Variants in SYT1 observed in about 807,000 individuals in gnomAD.
SYT1 encodes synaptotagmin-1.
SYT1 carries 8 observed loss-of-function variants against 44.8 expected under a neutral mutation model. That is an observed-to-expected ratio of 0.18 (90% CI 0.10 to 0.32). SYT1 has a LOEUF of 0.32. SYT1 is among the 10% of genes least tolerant of loss of function. The pLI is 1.00. For missense variants in SYT1, 286 were observed against 509.3 expected (o/e 0.56, Z 4.22); for synonymous variants, 154 against 188.8 (o/e 0.82, Z 1.51).
chr12:79,165,230 T>C (rs1045221918), intron 3 of SYT1, among the ~76,000 whole-genome samples: 2 of 152,150 alleles, frequency 1.3e-5, no homozygotes, highest in South Asian at 4.1e-4. Flanking sequence ...TGTTTTTCTA[T>C]GTCATTTATG....
At chr12:79,044,414 C>G (rs943918163) in intron 2 of SYT1, among the ~76,000 whole-genome samples, 1 of 151,692 alleles carries the variant, frequency 6.6e-6, no homozygotes, top group Non-Finnish European at 1.5e-5. Flanking sequence ...TCCAGTTGAT[C>G]GCATTGGCTC....
chr12:78,914,132 A>C (rs1372265319), intron 1 of SYT1, among the ~76,000 whole-genome samples: 1 of 151,888 alleles, frequency 6.6e-6, no homozygotes, highest in Non-Finnish European at 1.5e-5. Context: ...ATCACCTATC[A>C]AATTAATCAC....
chr12:79,016,040 T>C (rs971700180), intron 2 of SYT1, among the ~76,000 whole-genome samples: 2 of 152,292 alleles, frequency 1.3e-5, no homozygotes, highest in Admixed American at 1.3e-4. Context: ...GGTCAGATGA[T>C]AACTTTTCCT....
chr12:79,379,077 G>T (rs1884115260), intron 9 of SYT1, among the ~76,000 whole-genome samples: 2 of 152,212 alleles, frequency 1.3e-5, no homozygotes, highest in South Asian at 4.1e-4. Flanking sequence ...CCTGAGAAAA[G>T]AAATTCATTT....
At chr12:78,923,557 A>G (rs1877126989) in intron 1 of SYT1, among the ~76,000 whole-genome samples, 2 of 151,766 alleles carry the variant, frequency 1.3e-5, no homozygotes, top group South Asian at 4.1e-4. Flanking sequence ...GAACTATTTA[A>G]AAAAAATTTA....
At chr12:79,102,059 C>T (rs61929024) in intron 3 of SYT1, among the ~76,000 whole-genome samples, 1 of 152,104 alleles carries the variant, frequency 6.6e-6, no homozygotes, top group Non-Finnish European at 1.5e-5. Context: ...CTTTAATAGA[C>T]ATCTTTTTTA....
chr12:79,421,561 G>A (rs992560410), intron 9 of SYT1, among the ~76,000 whole-genome samples: 1 of 152,092 alleles, frequency 6.6e-6, no homozygotes, highest in Admixed American at 6.6e-5. Flanking sequence ...ATGTCATCTT[G>A]ACTGAAATTC....
chr12:79,387,652 T>C (rs1407753678), intron 9 of SYT1, among the ~76,000 whole-genome samples: 1 of 152,230 alleles, frequency 6.6e-6, no homozygotes, highest in Non-Finnish European at 1.5e-5. Flanking sequence ...TAAATATTTC[T>C]AGTCAATCAT....
chr12:79,268,507 GTGAA>G (rs1307802503), intron 4 of SYT1, among the ~76,000 whole-genome samples: 8 of 152,160 alleles, frequency 5.3e-5, no homozygotes, highest in African/African-American at 1.9e-4. Context: ...AAATGGATGA[GTGAA>G]TGAATGAGTG....
At chr12:79,163,222 GC>G (rs1446680285) in intron 3 of SYT1, among the ~76,000 whole-genome samples, 2 of 152,024 alleles carry the variant, frequency 1.3e-5, no homozygotes, top group Non-Finnish European at 2.9e-5. Flanking sequence ...CAGAACTCCA[GC>G]CTTAAGTCCT....
At chr12:79,137,505 A>G (rs1869277194) in intron 3 of SYT1, among the ~76,000 whole-genome samples, 1 of 152,184 alleles carries the variant, frequency 6.6e-6, no homozygotes, top group Non-Finnish European at 1.5e-5. Flanking sequence ...TGGGGCTTAG[A>G]TAAGTTAAAT....
intron 1 of SYT1, among the ~76,000 whole-genome samples, chr12:78,883,369 G>A (rs1434627891): frequency 6.6e-5 from 10 of 151,362 alleles, no homozygotes; most frequent in Admixed American, 4.6e-4. Flanking sequence ...TTTTTCATTC[G>A]TTTCTCACTC....
intron 8 of SYT1, among the ~76,000 whole-genome samples, chr12:79,349,060 G>GAAAGAAAGAAAGAAAGAAA (rs1565920027): frequency 7.8e-6 from 1 of 128,746 alleles, no homozygotes; most frequent in African/African-American, 3.2e-5. Context: ...AAAGAAAGGA[G>GAAAGAAAGAAAGAAAGAAA]GGAGGGAGGG....
chr12:79,435,499 A>G (rs1371755636), intron 9 of SYT1, among the ~76,000 whole-genome samples: 1 of 151,880 alleles, frequency 6.6e-6, no homozygotes, highest in Non-Finnish European at 1.5e-5. Flanking sequence ...GTCTCTGTCT[A>G]TCTACCTCAT....
intron 3 of SYT1, among the ~76,000 whole-genome samples, chr12:79,169,128 T>TA (rs1871369897): frequency 6.6e-6 from 1 of 152,032 alleles, no homozygotes; most frequent in African/African-American, 2.4e-5. Context: ...AATGTTTTTC[T>TA]AAAAAATGCC....
chr12:79,050,378 T>C (rs1874386612), intron 3 of SYT1, among the ~76,000 whole-genome samples: 2 of 151,964 alleles, frequency 1.3e-5, no homozygotes, highest in Non-Finnish European at 2.9e-5. Context: ...AGAAAACCTG[T>C]GAATAAGTGG....
chr12:79,233,442 C>T (rs981589236), intron 4 of SYT1, among the ~76,000 whole-genome samples: 10 of 152,178 alleles, frequency 6.6e-5, no homozygotes, highest in African/African-American at 2.2e-4. Flanking sequence ...GCTGTTTATA[C>T]GAAACTTGTG....
At chr12:79,216,708 A>G (rs528564052) in intron 3 of SYT1, among the ~76,000 whole-genome samples, 1 of 152,332 alleles carries the variant, frequency 6.6e-6, no homozygotes, top group Non-Finnish European at 1.5e-5. Context: ...GAGGTAAACA[A>G]ATACTTAAAA....
In SYT1 at chr12:79,208,801, G is replaced by T. The variant is rs542992470; in HGVS notation, c.-17-8702G>T. 1.7e-3 allele frequency among the ~76,000 whole-genome samples: 263 copies of T among 152,254 alleles called. 1 individual carries two copies. The highest frequency in any genetic ancestry group is 5.6e-3 in the African/African-American group (234 of 41,542). Reference sequence around the variant, plus strand: ...TTGTGGGATTTGTGACATTGCGGAAGAATGTTTGTTCTCTTCTTAAAGTAA... The same window carrying T: ...TTGTGGGATTTGTGACATTGCGGAATAATGTTTGTTCTCTTCTTAAAGTAA... On this transcript the variant is annotated intron_variant, in intron 3 of 10. Coordinates refer to ENST00000261205, the MANE Select transcript of SYT1 (RefSeq NM_005639.3).
Sources: allele counts gnomAD v4.1 joint callset (sites outside exome capture counted in the v4.1 genomes callset), GRCh38; gene constraint gnomAD v4.1.1; transcripts MANE v1.5; gene names NCBI Gene and HGNC (gene_info 2026-07-23, HGNC 2026-07-21).